The following CHST8 variants were observed in gnomAD, a reference collection of about 807,000 sequenced individuals.
The protein encoded by CHST8 is GALNAC-4-ST1.
In CHST8, 10 loss-of-function variants were observed where a neutral mutation model predicts 15.0. The observed-to-expected ratio is 0.67, with a 90% CI of 0.41 to 1.13. The LOEUF is 1.13. CHST8 is among the 50% of genes most tolerant of loss of function. The probability of loss-of-function intolerance (pLI) is 0.00; values close to 1 mark genes in which losing one functional copy is unlikely to be tolerated. For missense variants in CHST8, 634 were observed against 608.2 expected, an observed-to-expected ratio of 1.04 and a Z score of -0.45; for synonymous variants, 259 against 256.6, an observed-to-expected ratio of 1.01 and a Z score of -0.09.
intron 2 of CHST8, among the ~76,000 whole-genome samples, chr19:33,688,137 C>T (rs1973020382): frequency 6.6e-6 from 1 of 152,224 alleles, no homozygotes; most frequent in African/African-American, 2.4e-5. Context: ...AGAGTGCCTG[C>T]CGCCTGTGGC....
At chr19:33,658,175 A>C (rs1972538190) in intron 1 of CHST8, among the ~76,000 whole-genome samples, 1 of 152,144 alleles carries the variant, frequency 6.6e-6, no homozygotes, top group South Asian at 2.1e-4. Context: ...GCCTGTCTCT[A>C]CCACAAATCC....
At chr19:33,645,344 G>A (rs766804059) in intron 1 of CHST8, among the ~76,000 whole-genome samples, 8 of 152,210 alleles carry the variant, frequency 5.3e-5, no homozygotes, top group East Asian at 1.9e-4. Flanking sequence ...GAACAGAGAA[G>A]TGCAATGATT....
At chr19:33,673,274 A>G (rs1227140781) in intron 2 of CHST8, among the ~76,000 whole-genome samples, 1 of 152,216 alleles carries the variant, frequency 6.6e-6, no homozygotes, top group Non-Finnish European at 1.5e-5. Flanking sequence ...ATGGAAAACT[A>G]GTAGCTGTGA....
intron 3 of CHST8, among the ~76,000 whole-genome samples, chr19:33,722,670 A>C (rs1306332976): frequency 6.6e-6 from 1 of 151,900 alleles, no homozygotes; most frequent in African/African-American, 2.4e-5. Flanking sequence ...CCTGGAGGGG[A>C]TGTGAATGGA....
At chr19:33,690,232 T>C (rs1973074384) in intron 3 of CHST8, among the ~76,000 whole-genome samples, 1 of 152,144 alleles carries the variant, frequency 6.6e-6, no homozygotes, top group Non-Finnish European at 1.5e-5. Flanking sequence ...GACAAGCTGG[T>C]GCACCCCCAG....
At chr19:33,639,584 G>A (rs1972250822) in intron 1 of CHST8, among the ~76,000 whole-genome samples, 1 of 152,162 alleles carries the variant, frequency 6.6e-6, no homozygotes, top group Non-Finnish European at 1.5e-5. Flanking sequence ...CATCTCCCTG[G>A]GGAATGTGGG....
At chr19:33,721,555 T>C (rs1347171645) in intron 3 of CHST8, among the ~76,000 whole-genome samples, 1 of 145,406 alleles carries the variant, frequency 6.9e-6, no homozygotes, top group Non-Finnish European at 1.5e-5. Flanking sequence ...GACAGATTGA[T>C]GGAAAGATGG....
At chr19:33,640,637 T>C (rs1972271667) in intron 1 of CHST8, among the ~76,000 whole-genome samples, 1 of 152,248 alleles carries the variant, frequency 6.6e-6, no homozygotes, top group Non-Finnish European at 1.5e-5. Flanking sequence ...TTTATGTTAT[T>C]ACAAAATTGA....
chr19:33,751,714 C>T (rs968579402), intron 3 of CHST8, among the ~76,000 whole-genome samples: 2 of 152,248 alleles, frequency 1.3e-5, no homozygotes, highest in Non-Finnish European at 2.9e-5. Context: ...GCCAGCCTAC[C>T]TGGGCAGCAG....
chr19:33,770,660 G>A (rs886930714), intron 3 of CHST8, among the ~76,000 whole-genome samples: 7 of 152,222 alleles, frequency 4.6e-5, no homozygotes, highest in East Asian at 1.9e-4. Context: ...CAGAGGGGGC[G>A]TTCCAGAGCA....
At chr19:33,725,071 C>T (rs571107498) in intron 3 of CHST8, among the ~76,000 whole-genome samples, 2 of 152,190 alleles carry the variant, frequency 1.3e-5, no homozygotes, top group East Asian at 1.9e-4. Context: ...GCATATGTAT[C>T]GGGGGGCGCT....
intron 1 of CHST8, among the ~76,000 whole-genome samples, chr19:33,659,059 C>CTTTTTTTTTTTT (rs71181374): frequency 1.1e-4 from 9 of 78,842 alleles, no homozygotes; most frequent in East Asian, 4.0e-4. Flanking sequence ...TAGGTAATGA[C>CTTTTTTTTTTTT]TTTTTTTTTT....
intron 2 of CHST8, among the ~76,000 whole-genome samples, chr19:33,680,629 G>A (rs903961387): frequency 3.9e-5 from 6 of 152,190 alleles, no homozygotes; most frequent in African/African-American, 1.4e-4. Context: ...AGTCCAAATC[G>A]ATATTAATAA....
intron 3 of CHST8, among the ~76,000 whole-genome samples, chr19:33,717,932 A>T (rs888670596): frequency 1.3e-5 from 2 of 152,124 alleles, no homozygotes; most frequent in African/African-American, 4.8e-5. Flanking sequence ...GGGGGTTAGG[A>T]CTTCAAGGTG....
chr19:33,697,949 T>A (rs1044398024), intron 3 of CHST8, among the ~76,000 whole-genome samples: 7 of 152,144 alleles, frequency 4.6e-5, no homozygotes, highest in African/African-American at 1.7e-4. Context: ...AACAAGGAGC[T>A]CTGGGGACCC....
intron 3 of CHST8, among the ~76,000 whole-genome samples, chr19:33,769,941 C>A (rs1009998853): frequency 6.6e-6 from 1 of 152,192 alleles, no homozygotes; most frequent in Non-Finnish European, 1.5e-5. Flanking sequence ...CCCAGTTCTG[C>A]CTGCATTTCT....
intron 1 of CHST8, among the ~76,000 whole-genome samples, chr19:33,634,251 A>G (rs1039567363): frequency 6.6e-6 from 1 of 152,070 alleles, no homozygotes; most frequent in Non-Finnish European, 1.5e-5. Context: ...AGTTTTTCCC[A>G]TTTTAGCCAT....
intron 3 of CHST8, among the ~76,000 whole-genome samples, chr19:33,765,554 TCA>T (rs775422023): frequency 0.18 from 17,993 of 98,752 alleles, 1,148 homozygotes; most frequent in Non-Finnish European, 0.21. Context: ...TGTGTGTGTG[TCA>T]GAGAGAGAGA....
intron 1 of CHST8, among the ~76,000 whole-genome samples, chr19:33,634,833 G>T (rs1972172059): frequency 6.6e-6 from 1 of 152,116 alleles, no homozygotes; most frequent in Admixed American, 6.6e-5. Flanking sequence ...CAGCTGACTT[G>T]GCGGGGACTC....
Sources: gnomAD v4.1 joint callset for allele counts (sites outside exome capture counted in the v4.1 genomes callset) on GRCh38, gnomAD v4.1.1 for gene constraint, MANE v1.5 for transcripts, NCBI Gene and HGNC (gene_info 2026-07-23, HGNC 2026-07-21) for gene names.